KCNN3: variants seen among roughly 807,000 people sequenced by gnomAD.
KCNN3 encodes potassium calcium-activated channel subfamily N member 3.
KCNN3 carries 16 observed loss-of-function variants against 62.9 expected under a neutral mutation model. The observed-to-expected ratio is 0.25, with a 90% confidence interval of 0.17 to 0.39. The LOEUF (loss-of-function observed/expected upper bound fraction) is 0.39, where lower values mean the gene tolerates loss of function less well. Ranked by LOEUF, KCNN3 falls within the 10% of genes least tolerant of loss-of-function variation. The probability of loss-of-function intolerance (pLI) is 1.00; values close to 1 mark genes in which losing one functional copy is unlikely to be tolerated. For synonymous variants in KCNN3, 370 were observed against 389.2 expected (o/e 0.95, Z 0.58); for missense variants, 599 against 949.4 (o/e 0.63, Z 4.85).
intron 3 of KCNN3, among the ~76,000 whole-genome samples, chr1:154,737,415 T>G (rs983272838): frequency 4.6e-5 from 7 of 152,192 alleles, no homozygotes; most frequent in African/African-American, 1.7e-4. Flanking sequence ...ATGTCTACTT[T>G]TGCTCACTCA....
chr1:154,795,218 A>T (rs1490373893), intron 2 of KCNN3, among the ~76,000 whole-genome samples: 1 of 152,230 alleles, frequency 6.6e-6, no homozygotes. Flanking sequence ...GGCTAACCAA[A>T]AACTGAAGGT....
At chr1:154,738,880 A>G (rs1700769750) in intron 3 of KCNN3, among the ~76,000 whole-genome samples, 1 of 152,268 alleles carries the variant, frequency 6.6e-6, no homozygotes, top group African/African-American at 2.4e-5. Context: ...AACTATGAAT[A>G]GAGTCAAATT....
At chr1:154,774,958 A>C (rs1015637262) in intron 2 of KCNN3, among the ~76,000 whole-genome samples, 33 of 152,228 alleles carry the variant, frequency 2.2e-4, no homozygotes, top group African/African-American at 7.7e-4. Flanking sequence ...GGTTTTATTT[A>C]ACCTGGAAAT....
intron 1 of KCNN3, among the ~76,000 whole-genome samples, chr1:154,828,519 A>G (rs1571316780): frequency 1.3e-5 from 2 of 152,246 alleles, no homozygotes; most frequent in East Asian, 3.9e-4. Flanking sequence ...GTCTCTTTCT[A>G]AATAACATAG....
In KCNN3 at chr1:154,704,733, A is replaced by G. The variant is rs528751139; in HGVS notation, c.*3243T>C. ...GTGGGCAGATCTTGATCAGTACAGTATTGGAGTGAGGTTACATAATTAATA... is the reference window on the plus strand; with the variant it reads ...GTGGGCAGATCTTGATCAGTACAGTGTTGGAGTGAGGTTACATAATTAATA... On this transcript the variant is annotated 3_prime_UTR_variant, in exon 8 of 8. Transcript: ENST00000271915. 7 of 151,742 alleles carry G rather than the reference A, an allele frequency of 4.6e-5. No homozygotes were observed. The East Asian group carries it at 9.7e-4, about 21-fold the overall frequency. 9.4% of individuals were successfully genotyped at this position (151,742 alleles called of 1,614,324 possible).
rs910249139 is a variant in KCNN3 at position 154,697,997 on chromosome 1, G to A, written c.*9979C>T. 1 of 152,134 alleles carries A rather than the reference G, an allele frequency of 6.6e-6. No individual in the cohort carries two copies. The highest frequency in any genetic ancestry group is 2.4e-5 in the African/African-American group (1 of 41,410). The allele number at this position is 152,134 out of a possible 1,614,324, so 9.4% of individuals were successfully genotyped here. ...AGATGAAAGGTATTACTGTGTATAA[G>A]TATAAAGTACTATTATTTAGTAATC... On this transcript the variant is annotated 3_prime_UTR_variant, in exon 8 of 8. Transcript: ENST00000271915.
chr1:154,821,962 G>C, intron 2 of KCNN3, 127 bp downstream of exon 2: 1 of 731,734 alleles, frequency 1.4e-6, no homozygotes, highest in Non-Finnish European at 2.4e-6. Context: ...CACGATCTTG[G>C]GCACCGTCTT....
At chr1:154,727,619 GT>G (rs944849055) in intron 4 of KCNN3, among the ~76,000 whole-genome samples, 1 of 152,202 alleles carries the variant, frequency 6.6e-6, no homozygotes, top group African/African-American at 2.4e-5. Context: ...AACCAAGTCT[GT>G]GTGAACTTTC....
At chr1:154,851,799 G>A (rs1652309825) in intron 1 of KCNN3, among the ~76,000 whole-genome samples, 1 of 152,208 alleles carries the variant, frequency 6.6e-6, no homozygotes. Context: ...CTCCCTGTCT[G>A]TTCCAAACAC....
chr1:154,868,296 G>A, intron 1 of KCNN3: 9 of 985,788 alleles, frequency 9.1e-6, no homozygotes, highest in Non-Finnish European at 1.1e-5. Context: ...TTACGAAGCA[G>A]CAGCAGGTTT....
rs1190899398 is a variant in KCNN3 at position 154,755,604 on chromosome 1, GGGGA to G, written c.1448+16367_1448+16370del. On this transcript the variant is annotated intron_variant, in intron 3 of 7. Coordinates refer to ENST00000271915, the MANE Select transcript of KCNN3 (RefSeq NM_002249.6). ...AGAAAGAAAGAAGGGAGGGAGGGAG[GGGGA>G]GGGAGGGAGGGAAGGAAGGAAAGAA... is the stretch of plus-strand genomic sequence containing the variant. 8.4e-3 allele frequency among the ~76,000 whole-genome samples: 971 copies of G among 115,934 alleles called. 17 individuals carry two copies. The highest frequency in any genetic ancestry group is 0.029 in the African/African-American group (871 of 30,388). 76.1% of individuals were successfully genotyped at this position (115,934 alleles called of 152,430 possible). A position where few individuals can be genotyped will look rare whatever the true frequency, so the allele number is the denominator to read the frequency against.
At chr1:154,832,995 G>C (rs1651435132) in intron 1 of KCNN3, among the ~76,000 whole-genome samples, 2 of 152,152 alleles carry the variant, frequency 1.3e-5, no homozygotes, top group Admixed American at 1.3e-4. Context: ...AGAGGTATGT[G>C]GGTTTTAAAG....
chr1:154,770,906 A>C (rs1648522570), intron 3 of KCNN3, among the ~76,000 whole-genome samples: 1 of 152,006 alleles, frequency 6.6e-6, no homozygotes, highest in African/African-American at 2.4e-5. Flanking sequence ...AAAACACAAA[A>C]ATTAGCCTGG....
intron 1 of KCNN3, among the ~76,000 whole-genome samples, chr1:154,850,732 A>G (rs904909476): frequency 2.6e-5 from 4 of 152,208 alleles, no homozygotes; most frequent in Non-Finnish European, 4.4e-5. Context: ...AGTGCTAGAA[A>G]ATTAGGAATG....
intron 3 of KCNN3, among the ~76,000 whole-genome samples, chr1:154,743,528 C>T (rs1253424777): frequency 6.6e-6 from 1 of 152,234 alleles, no homozygotes; most frequent in Non-Finnish European, 1.5e-5. Flanking sequence ...CTCAGAGCCC[C>T]TCACCTGCTG....
At chr1:154,714,076 TGTG>T (rs1209561010) in intron 6 of KCNN3, among the ~76,000 whole-genome samples, 2 of 113,434 alleles carry the variant, frequency 1.8e-5, no homozygotes, top group Admixed American at 9.1e-5. Context: ...GGTGTTTGTG[TGTG>T]GTGTTTGTGT....
intron 2 of KCNN3, among the ~76,000 whole-genome samples, chr1:154,794,921 G>A (rs1649664766): frequency 6.6e-6 from 1 of 152,156 alleles, no homozygotes; most frequent in African/African-American, 2.4e-5. Context: ...TGACTTCCTA[G>A]AGAGCTCTTT....
rs1301690495 is a variant in KCNN3 at position 154,702,180 on chromosome 1, C to T, written c.*5796G>A. 10 of 151,930 alleles carry T rather than the reference C, an allele frequency of 6.6e-5. No homozygotes were observed. The highest frequency in any genetic ancestry group is 2.1e-4 in the South Asian group (1 of 4,812). 9.4% of individuals were successfully genotyped at this position (151,930 alleles called of 1,614,324 possible). ...AGTTCAGTAGGCTGTGGTAGGAGGA[C>T]CCTTTTTCTGGGTGCCCGGCAATCA... On this transcript the variant is annotated 3_prime_UTR_variant, in exon 8 of 8. Transcript: ENST00000271915.
At chr1:154,746,040 A>G (rs999163132) in intron 3 of KCNN3, among the ~76,000 whole-genome samples, 2 of 152,210 alleles carry the variant, frequency 1.3e-5, no homozygotes, top group Admixed American at 1.3e-4. Context: ...AAAATGAAGC[A>G]GTAAAACCTT....
Sources: gnomAD v4.1 joint callset for allele counts (sites outside exome capture counted in the v4.1 genomes callset) on GRCh38, gnomAD v4.1.1 for gene constraint, MANE v1.5 for transcripts, NCBI Gene and HGNC (gene_info 2026-07-23, HGNC 2026-07-21) for gene names.